Variants in CNTLN observed in about 807,000 individuals in gnomAD.
CNTLN encodes centlein.
In CNTLN, 212 loss-of-function variants were observed where a neutral mutation model predicts 180.0. The observed-to-expected ratio is 1.18, with a 90% CI of 1.05 to 1.32. The LOEUF (loss-of-function observed/expected upper bound fraction) is 1.32. CNTLN is among the 40% of genes most tolerant of loss of function. The pLI is 0.00. For missense variants in CNTLN, 2,095 were observed against 1,610.9 expected (o/e 1.30, Z -5.14); for synonymous variants, 722 against 563.1 (o/e 1.28, Z -3.99).
intron 2 of CNTLN, among the ~76,000 whole-genome samples, chr9:17,206,231 C>G (rs1822912236): frequency 6.6e-6 from 1 of 152,038 alleles, no homozygotes; most frequent in Non-Finnish European, 1.5e-5. Context: ...TTTTTTTTAA[C>G]CAAACCAAAC....
At chr9:17,255,010 A>G (rs1403262887) in intron 5 of CNTLN, among the ~76,000 whole-genome samples, 1 of 151,618 alleles carries the variant, frequency 6.6e-6, no homozygotes, top group Non-Finnish European at 1.5e-5. Context: ...CCCCTTGGCT[A>G]GATTTATTTC....
intron 25 of CNTLN, among the ~76,000 whole-genome samples, chr9:17,496,757 G>T (rs1034800641): frequency 1.3e-5 from 2 of 152,040 alleles, no homozygotes; most frequent in African/African-American, 2.4e-5. Flanking sequence ...GTTAACAGTG[G>T]ACTGTAGACT....
At chr9:17,403,756 A>G (rs1005660045) in intron 15 of CNTLN, among the ~76,000 whole-genome samples, 3 of 151,642 alleles carry the variant, frequency 2.0e-5, no homozygotes, top group African/African-American at 7.3e-5. Context: ...GCATTTTCCC[A>G]GAGAAGCAGA....
intron 8 of CNTLN, among the ~76,000 whole-genome samples, chr9:17,312,367 TATATATATATATATATAA>T (rs1819231065): frequency 4.6e-4 from 5 of 10,958 alleles, no homozygotes; most frequent in Admixed American, 1.3e-3. Flanking sequence ...ATATATATTA[TATATATATATATATATAA>T]TTTATTTATT....
At chr9:17,330,871 T>A (rs1473748112) in intron 9 of CNTLN, 63 bp downstream of exon 9, 12 of 1,429,838 alleles carry the variant, frequency 8.4e-6, no homozygotes, top group African/African-American at 2.9e-5. Context: ...AGAGATGAAG[T>A]TAAAAAACAA....
intron 12 of CNTLN, among the ~76,000 whole-genome samples, chr9:17,364,322 C>T (rs751686408): frequency 1.3e-5 from 2 of 152,082 alleles, no homozygotes; most frequent in Non-Finnish European, 2.9e-5. Context: ...CCTTTACCTC[C>T]TTCTGCTCTC....
intron 18 of CNTLN, chr9:17,444,171 T>G (rs1215863012): frequency 6.6e-6 from 1 of 152,224 alleles, no homozygotes; most frequent in African/African-American, 2.4e-5. Context: ...TTTTTAACGC[T>G]TCTTTCTCAC....
intron 7 of CNTLN, chr9:17,301,565 G>T (rs1482790751): frequency 1.0e-6 from 1 of 984,578 alleles, no homozygotes; most frequent in Non-Finnish European, 1.2e-6. Context: ...TGGGAGTAGG[G>T]GGCTTCACTG....
intron 5 of CNTLN, among the ~76,000 whole-genome samples, chr9:17,237,394 CACACACACACACG>C (rs1825216426): frequency 3.4e-5 from 5 of 147,592 alleles, no homozygotes; most frequent in African/African-American, 1.3e-4. Context: ...CACACACACA[CACACACACACACG>C]GTTAGTCAAC....
At chr9:17,516,023 C>G in the CNTLN span, among the ~76,000 whole-genome samples, 12 of 152,164 alleles carry the variant, frequency 7.9e-5, no homozygotes, top group African/African-American at 2.7e-4. Context: ...GTGGCCTCAT[C>G]AAACACACTC....
chr9:17,242,911 C>G (rs11521161), intron 5 of CNTLN, among the ~76,000 whole-genome samples: 27,401 of 152,034 alleles, frequency 0.18, 2,726 homozygotes, highest in Middle Eastern at 0.27. Flanking sequence ...ATAGTTTGAG[C>G]AGGATTGGTG....
chr9:17,271,738 C>G (rs1827960943), intron 5 of CNTLN, among the ~76,000 whole-genome samples: 1 of 152,108 alleles, frequency 6.6e-6, no homozygotes, highest in Non-Finnish European at 1.5e-5. Context: ...ATCAACAGGT[C>G]CTGTCATTTT....
At chr9:17,436,671 C>T (rs976705228) in intron 18 of CNTLN, among the ~76,000 whole-genome samples, 2 of 152,030 alleles carry the variant, frequency 1.3e-5, no homozygotes, top group African/African-American at 4.8e-5. Context: ...TTACTGTATC[C>T]AAACTTATAT....
chr9:17,244,217 T>C (rs1563916022), intron 5 of CNTLN, among the ~76,000 whole-genome samples: 1 of 84,782 alleles, frequency 1.2e-5, no homozygotes, highest in Non-Finnish European at 2.5e-5. Flanking sequence ...TTTTTGTTTT[T>C]GTTTTTTTTT....
intron 2 of CNTLN, among the ~76,000 whole-genome samples, chr9:17,190,757 T>A (rs1821742289): frequency 6.6e-6 from 1 of 152,184 alleles, no homozygotes. Context: ...TCTGGTGAAA[T>A]GCTGAAAATG....
rs979546081 is a variant in CNTLN, at chr9:17,466,144, G to A, written c.3669+26G>A. On this transcript the variant is annotated intron_variant, in intron 22 of 25. Coordinates refer to ENST00000380647, the MANE Select transcript of CNTLN (RefSeq NM_017738.4). ...GTATGCTTTTAAAAAGGGCATTTTA[G>A]ATTACAGATGGAATATAATCGTGTT... The A allele has an allele frequency of 2.6e-6, 4 of 1,563,866 alleles. No homozygotes were observed. In the African/African-American group the frequency reaches 5.5e-5, roughly 21 times the overall value.
intron 13 of CNTLN, among the ~76,000 whole-genome samples, chr9:17,386,947 G>C (rs944827928): frequency 2.0e-5 from 3 of 152,146 alleles, no homozygotes; most frequent in African/African-American, 7.2e-5. Context: ...CATGGTGTTA[G>C]GGGACTAGAA....
chr9:17,188,764 TTCTC>T (rs1821597224), intron 2 of CNTLN, among the ~76,000 whole-genome samples: 1 of 152,124 alleles, frequency 6.6e-6, no homozygotes, highest in South Asian at 2.1e-4. Context: ...TATATTCACT[TTCTC>T]TCCATTATGT....
intron 8 of CNTLN, among the ~76,000 whole-genome samples, chr9:17,321,518 G>A (rs946273497): frequency 2.6e-5 from 4 of 152,244 alleles, no homozygotes; most frequent in Admixed American, 2.0e-4. Context: ...ACAATTGTAG[G>A]AAGTAGGAAG....
Sources: gnomAD v4.1 joint callset for allele counts (sites outside exome capture counted in the v4.1 genomes callset) on GRCh38, gnomAD v4.1.1 for gene constraint, MANE v1.5 for transcripts, NCBI Gene and HGNC (gene_info 2026-07-23, HGNC 2026-07-21) for gene names.